The following DOCK5 variants were observed in gnomAD, a reference collection of about 807,000 sequenced individuals.
DOCK5 encodes dedicator of cytokinesis protein 5.
DOCK5 carries 142 observed loss-of-function variants against 251.8 expected under a neutral mutation model. That is an observed-to-expected ratio of 0.56 (90% CI 0.49 to 0.65). The LOEUF (loss-of-function observed/expected upper bound fraction) is 0.65, where lower values mean the gene tolerates loss of function less well. DOCK5 is among the 30% of genes least tolerant of loss of function. The pLI, the probability that DOCK5 is intolerant of heterozygous loss-of-function variation, is 0.00. For synonymous variants in DOCK5, 842 were observed against 835.5 expected (o/e 1.01, Z -0.13); for missense variants, 2,111 against 2,312.3 (o/e 0.91, Z 1.79).
intron 2 of DOCK5, among the ~76,000 whole-genome samples, chr8:25,248,207 C>T (rs1015756953): frequency 1.2e-4 from 18 of 152,148 alleles, no homozygotes; most frequent in African/African-American, 3.9e-4. Flanking sequence ...TGCCAGATGT[C>T]CCATGATAGG....
At chr8:25,262,280 TAG>T (rs139662817) in intron 2 of DOCK5, among the ~76,000 whole-genome samples, 6,229 of 152,182 alleles carry the variant, frequency 0.041, 407 homozygotes, top group African/African-American at 0.14. Flanking sequence ...CTTTTTTTTT[TAG>T]AGTTATAATT....
At chr8:25,255,514 A>G (rs1803397475) in intron 2 of DOCK5, among the ~76,000 whole-genome samples, 1 of 152,204 alleles carries the variant, frequency 6.6e-6, no homozygotes, top group African/African-American at 2.4e-5. Flanking sequence ...CGTGGTTGCC[A>G]GGGGTTAGAG....
chr8:25,372,846 C>T lies in DOCK5; in HGVS notation c.3684+128C>T, dbSNP rs1221743790. ...GGCACCTTTGTGGAGCCGGTGTCTT[C>T]CTAAGTCTAATTGGAATGGCTGGCT... On this transcript the variant is annotated intron_variant, in intron 35 of 51. Coordinates refer to ENST00000276440, the MANE Select transcript of DOCK5 (RefSeq NM_024940.8). 3.4e-6 allele frequency: 3 copies of T among 879,026 alleles called. No homozygotes were observed. The African/African-American group carries it at 5.3e-5, about 16-fold the overall frequency. 54.5% of individuals were successfully genotyped at this position (879,026 alleles called of 1,614,324 possible). A position where few individuals can be genotyped will look rare whatever the true frequency, so the allele number is the denominator to read the frequency against.
rs1467543736 is a variant in DOCK5 at position 25,414,438 on chromosome 8, TC to T, written c.*3142del. 1 of 152,224 alleles carries T rather than the reference TC, an allele frequency of 6.6e-6. No individual in the cohort carries two copies. The allele number at this position is 152,224 out of a possible 1,614,324, so 9.4% of individuals were successfully genotyped here. ...CAGTCATTTTCTTCTGCCAAGGAAA[TC>T]CATTAAAAACTGCAGCCACACTGCA... is the stretch of plus-strand genomic sequence containing the variant. On this transcript the variant is annotated 3_prime_UTR_variant, in exon 52 of 52. Transcript: ENST00000276440.
intron 14 of DOCK5, among the ~76,000 whole-genome samples, chr8:25,318,831 A>G (rs1586325241): frequency 6.6e-6 from 1 of 151,918 alleles, no homozygotes; most frequent in East Asian, 1.9e-4. Flanking sequence ...GTCCTGTTGC[A>G]TAGTTGTTTG....
chr8:25,382,850 A>G (rs1801093957), intron 40 of DOCK5, 72 bp downstream of exon 40: 1 of 1,298,348 alleles, frequency 7.7e-7, no homozygotes, highest in African/African-American at 1.5e-5. Context: ...CCAGATGGGC[A>G]ACAGGGTGTT....
Position 25,384,465 on chromosome 8 carries a change from T to TTATTTATTTA in DOCK5, c.4131+1688_4131+1689insATTTATTTAT, listed in dbSNP as rs896279959. Among the ~76,000 whole-genome samples, 7 of 96,456 alleles carry TTATTTATTTA rather than the reference T, an allele frequency of 7.3e-5. No homozygotes were observed. The South Asian group carries it at 1.7e-3, about 24-fold the overall frequency. 63.3% of individuals were successfully genotyped at this position (96,456 alleles called of 152,430 possible). A position where few individuals can be genotyped will look rare whatever the true frequency, so the allele number is the denominator to read the frequency against. ...TTTATTTATTTATTTATTTATTTAT[T>TTATTTATTTA]TTTTTTTTTTTTGAGACAGTGTCTC... On this transcript the variant is annotated intron_variant, in intron 40 of 51. Coordinates refer to ENST00000276440, the MANE Select transcript of DOCK5 (RefSeq NM_024940.8).
intron 2 of DOCK5, among the ~76,000 whole-genome samples, chr8:25,267,184 A>G (rs1674030768): frequency 6.6e-6 from 1 of 152,114 alleles, no homozygotes; most frequent in Non-Finnish European, 1.5e-5. Flanking sequence ...TGCTTAGCTT[A>G]GTATCCTTCT....
chr8:25,318,818 A>C (rs1805340700), intron 14 of DOCK5, among the ~76,000 whole-genome samples: 1 of 151,986 alleles, frequency 6.6e-6, no homozygotes, highest in African/African-American at 2.4e-5. Flanking sequence ...TGACTCACTG[A>C]GTGTCCTGTT....
intron 13 of DOCK5, among the ~76,000 whole-genome samples, chr8:25,313,790 GA>G (rs1805162222): frequency 6.6e-6 from 1 of 152,136 alleles, no homozygotes; most frequent in Non-Finnish European, 1.5e-5. Flanking sequence ...TTTGTATGAG[GA>G]CACCAGTCAT....
chr8:25,245,299 G>T (rs559591966), intron 2 of DOCK5, among the ~76,000 whole-genome samples: 2 of 152,016 alleles, frequency 1.3e-5, no homozygotes, highest in African/African-American at 2.4e-5. Flanking sequence ...CTCGTGATCC[G>T]CCTGCCTTGG....
At chr8:25,355,139 C>G (rs1188136821) in intron 27 of DOCK5, among the ~76,000 whole-genome samples, 1 of 152,064 alleles carries the variant, frequency 6.6e-6, no homozygotes, top group Admixed American at 6.5e-5. Flanking sequence ...GAGGATGAGG[C>G]AGGAGGCTTG....
intron 3 of DOCK5, among the ~76,000 whole-genome samples, chr8:25,273,539 G>T (rs1282358928): frequency 6.6e-6 from 1 of 152,240 alleles, no homozygotes; most frequent in East Asian, 1.9e-4. Flanking sequence ...GAGGGCGGAG[G>T]TTGCAGTGAG....
At chr8:25,384,469 T>TATTTATTTA (rs1446152840) in intron 40 of DOCK5, among the ~76,000 whole-genome samples, 44 of 109,110 alleles carry the variant, frequency 4.0e-4, no homozygotes, top group African/African-American at 1.3e-3. Flanking sequence ...ATTTATTTTT[T>TATTTATTTA]TTTTTTTTGA....
At chr8:25,326,173 TG>T (rs1805558015) in intron 18 of DOCK5, among the ~76,000 whole-genome samples, 1 of 152,200 alleles carries the variant, frequency 6.6e-6, no homozygotes, top group South Asian at 2.1e-4. Context: ...TTAAGTAATG[TG>T]TAAGGAACCC....
At chr8:25,306,593 C>T (rs908697941) in intron 11 of DOCK5, among the ~76,000 whole-genome samples, 8 of 151,886 alleles carry the variant, frequency 5.3e-5, no homozygotes, top group African/African-American at 1.7e-4. Flanking sequence ...ACTCGGGAGG[C>T]TGAGGCAGGA....
At chr8:25,318,592 CTTTTTTTTT>C (rs546657586) in intron 14 of DOCK5, among the ~76,000 whole-genome samples, 1 of 88,248 alleles carries the variant, frequency 1.1e-5, no homozygotes, top group African/African-American at 4.5e-5. Context: ...TTCTTTCCTT[CTTTTTTTTT>C]TTTTTTTTTT....
intron 27 of DOCK5, 62 bp from the exon 28 acceptor site, chr8:25,358,901 T>G: frequency 7.0e-7 from 1 of 1,436,570 alleles, no homozygotes; most frequent in Non-Finnish European, 9.8e-7. Flanking sequence ...GGGGCTCACA[T>G]AGTGTTTTTG....
rs191989178 is a variant in DOCK5, at chr8:25,253,538, A to G, written c.127+9781A>G. Among the ~76,000 whole-genome samples, 80 of 152,302 alleles carry G rather than the reference A, an allele frequency of 5.3e-4. 1 individual carries two copies. Among genetic ancestry groups the G allele is most frequent in the Admixed American group, 5.2e-3 (80 of 15,294 alleles). On this transcript the variant is annotated intron_variant, in intron 2 of 51. Coordinates refer to ENST00000276440, the MANE Select transcript of DOCK5 (RefSeq NM_024940.8). ...TTTAAATGCGTTAGGTTATGTCCAT[A>G]TAACATCACGGTTGGGCTGGCTAAG...
Sources: allele counts gnomAD v4.1 joint callset (sites outside exome capture counted in the v4.1 genomes callset), GRCh38; gene constraint gnomAD v4.1.1; transcripts MANE v1.5; gene names NCBI Gene and HGNC (gene_info 2026-07-23, HGNC 2026-07-21).